The following HIF1A variants were observed in gnomAD, a reference collection of about 807,000 sequenced individuals.
HIF1A encodes hypoxia inducible factor 1 subunit alpha.
In HIF1A, 24 loss-of-function variants were observed where a neutral mutation model predicts 92.7. The ratio of observed to expected loss-of-function variants is 0.26; its 90% CI spans 0.19 to 0.36. HIF1A has a LOEUF of 0.36. HIF1A is among the 10% of genes least tolerant of loss of function. The pLI, the probability that HIF1A is intolerant of heterozygous loss-of-function variation, is 1.00. For synonymous variants in HIF1A, 319 were observed against 338.7 expected (o/e 0.94, Z 0.64); for missense variants, 799 against 998.5 (o/e 0.80, Z 2.69).
Position 61,747,201 on chromosome 14 carries a change from G to T in HIF1A, c.*116G>T. The T allele has an allele frequency of 1.3e-6, 1 of 781,308 alleles. No individual in the cohort carries two copies. The highest frequency in any genetic ancestry group is 3.0e-5 in the East Asian group (1 of 33,896). The allele number at this position is 781,308 out of a possible 1,614,324, so 48.4% of individuals were successfully genotyped here. On this transcript the variant is annotated 3_prime_UTR_variant, in exon 15 of 15. Transcript: ENST00000337138. ...CCTGGCTACAATACTGCACAAACTT[G>T]GTTAGTTCAATTTTGATCCCCTTTC...
chr14:61,717,597 A>G (rs1566565737), intron 1 of HIF1A, among the ~76,000 whole-genome samples: 1 of 152,166 alleles, frequency 6.6e-6, no homozygotes, highest in Non-Finnish European at 1.5e-5. Flanking sequence ...TGCTTTATCT[A>G]ACCTCAAATT....
intron 4 of HIF1A, among the ~76,000 whole-genome samples, chr14:61,723,702 TC>T (rs1189499917): frequency 2.6e-5 from 4 of 152,238 alleles, no homozygotes; most frequent in Admixed American, 6.5e-5. Context: ...GCTCAGTGCT[TC>T]CCTGGGGCTA....
At chr14:61,696,803 G>A (rs1019518810) in intron 1 of HIF1A, among the ~76,000 whole-genome samples, 1 of 152,134 alleles carries the variant, frequency 6.6e-6, no homozygotes, top group Admixed American at 6.5e-5. Flanking sequence ...TCCTGAAATT[G>A]AAGTATATTA....
intron 1 of HIF1A, among the ~76,000 whole-genome samples, chr14:61,706,622 A>C (rs1178031390): frequency 1.3e-5 from 2 of 152,208 alleles, no homozygotes; most frequent in East Asian, 3.8e-4. Flanking sequence ...CTTTTGCTTT[A>C]AGACCTGCTA....
intron 2 of HIF1A, among the ~76,000 whole-genome samples, chr14:61,721,247 A>C (rs1341907110): frequency 1.3e-5 from 2 of 152,024 alleles, no homozygotes; most frequent in African/African-American, 4.8e-5. Flanking sequence ...TCTCAAAAAT[A>C]ATAAAATAAA....
chr14:61,703,252 C>A (rs1392970403), intron 1 of HIF1A, among the ~76,000 whole-genome samples: 1 of 152,092 alleles, frequency 6.6e-6, no homozygotes, highest in African/African-American at 2.4e-5. Context: ...AAAGTTTGAC[C>A]TAGTTGTATT....
chr14:61,715,503 T>C (rs973885187), intron 1 of HIF1A: 4 of 152,332 alleles, frequency 2.6e-5, no homozygotes, highest in Admixed American at 2.6e-4. Context: ...CAACATAGTC[T>C]AGTGTTAATC....
At chr14:61,706,284 T>G (rs2044238601) in intron 1 of HIF1A, among the ~76,000 whole-genome samples, 1 of 152,192 alleles carries the variant, frequency 6.6e-6, no homozygotes, top group Admixed American at 6.5e-5. Context: ...CATGAAGGTA[T>G]TAAAAGCTGA....
rs564272261 is a variant in HIF1A, at chr14:61,708,605, G to A, written c.36-11777G>A. Among the ~76,000 whole-genome samples, 29 of 90,220 alleles carry A rather than the reference G, an allele frequency of 3.2e-4. No individual in the cohort carries two copies. In the East Asian group the frequency reaches 9.1e-3, roughly 28 times the overall value. 59.2% of individuals were successfully genotyped at this position (90,220 alleles called of 152,430 possible). A position where few individuals can be genotyped will look rare whatever the true frequency, so the allele number is the denominator to read the frequency against. ...TTTTTGTCAGGTTTGTCAAAGATCA[G>A]ATGGTTGTAGATAAGCGGCATTATT... On this transcript the variant is annotated intron_variant, in intron 1 of 14. Coordinates refer to ENST00000337138, the MANE Select transcript of HIF1A (RefSeq NM_001530.4).
At position 61,716,774 on chromosome 14, in the gene HIF1A, A is replaced by G. The variant is rs899459227; in HGVS notation, c.36-3608A>G. On this transcript the variant is annotated intron_variant, in intron 1 of 14. Coordinates refer to ENST00000337138, the MANE Select transcript of HIF1A (RefSeq NM_001530.4). Reference sequence around the variant, plus strand: ...TTTCTAAATATATTTCCTATACAAAATAATTTCAAGATATAATTGTTACTT... The same window carrying G: ...TTTCTAAATATATTTCCTATACAAAGTAATTTCAAGATATAATTGTTACTT... Among the ~76,000 whole-genome samples the G allele has an allele frequency of 9.9e-5, 15 of 152,200 alleles. 1 individual carries two copies. The highest frequency in any genetic ancestry group is 4.6e-4 in the Admixed American group (7 of 15,278).
rs1000351887 is a variant in HIF1A, at chr14:61,747,656, C to A, written c.*571C>A. 6.6e-6 allele frequency: 1 copy of A among 152,388 alleles called. No homozygotes were observed. The highest frequency in any genetic ancestry group is 1.9e-4 in the East Asian group (1 of 5,198). The allele number at this position is 152,388 out of a possible 1,614,324, so 9.4% of individuals were successfully genotyped here. ...TTTTTTGGCCTATGAAATTGTTAAACCTGGAACATGACATTGTTAATCATA... is the reference window on the plus strand; with the variant it reads ...TTTTTTGGCCTATGAAATTGTTAAAACTGGAACATGACATTGTTAATCATA... On this transcript the variant is annotated 3_prime_UTR_variant, in exon 15 of 15. Coordinates refer to ENST00000337138, the MANE Select transcript of HIF1A (RefSeq NM_001530.4).
intron 10 of HIF1A, among the ~76,000 whole-genome samples, chr14:61,739,457 T>TG (rs2044679561): frequency 6.6e-6 from 1 of 152,156 alleles, no homozygotes; most frequent in African/African-American, 2.4e-5. Context: ...CTTTAATAAG[T>TG]GGTAAATAAT....
chr14:61,743,044 T>C (rs1292266717), intron 12 of HIF1A, among the ~76,000 whole-genome samples: 2 of 152,158 alleles, frequency 1.3e-5, no homozygotes, highest in Non-Finnish European at 2.9e-5. Flanking sequence ...AAAGCCAAAG[T>C]GTAACAACAC....
chr14:61,717,324 G>A (rs1033597037), intron 1 of HIF1A, among the ~76,000 whole-genome samples: 2 of 152,120 alleles, frequency 1.3e-5, no homozygotes, highest in African/African-American at 4.8e-5. Flanking sequence ...TAAGCTTTAA[G>A]CTTACTTAGA....
chr14:61,700,944 A>C (rs1424736984), intron 1 of HIF1A, among the ~76,000 whole-genome samples: 3 of 152,208 alleles, frequency 2.0e-5, no homozygotes, highest in African/African-American at 7.2e-5. Context: ...TTGCCAGTGG[A>C]AGCTTTAACT....
intron 12 of HIF1A, among the ~76,000 whole-genome samples, chr14:61,744,078 G>A (rs183007314): frequency 6.6e-6 from 1 of 152,162 alleles, no homozygotes; most frequent in Non-Finnish European, 1.5e-5. Flanking sequence ...GATTGATCTT[G>A]TATTTCAATA....
At position 61,746,951 on chromosome 14, in the gene HIF1A, C is replaced by T; in HGVS notation, c.2347C>T (p.Leu783=). ...TTTTTCAGATTTAGCATGTAGACTG[C>T]TGGGGCAATCAATGGATGAAAGTGG... ...LIPSDLACRL[L]GQSMDESGLP... is the part of the protein sequence containing the mutation. The change falls in exon 15 of 15, where the codon CTG becomes TTG. Residue 783 remains leucine (L), a synonymous_variant. Transcript: ENST00000337138. 1.2e-6 allele frequency: 2 copies of T among 1,611,258 alleles called. No homozygotes were observed. The highest frequency in any genetic ancestry group is 1.7e-6 in the Non-Finnish European group (2 of 1,178,880).
intron 1 of HIF1A, chr14:61,697,729 C>T: frequency 1.5e-6 from 2 of 1,310,354 alleles, no homozygotes; most frequent in South Asian, 4.4e-5. Flanking sequence ...GGTGGTTACT[C>T]AGCACTTTTA....
In HIF1A at chr14:61,726,729, C is replaced by A; in HGVS notation, c.481C>A (p.Gln161Lys). 1 of 1,606,314 alleles carries A rather than the reference C, an allele frequency of 6.2e-7. No individual in the cohort carries two copies. Among genetic ancestry groups the A allele is most frequent in the Non-Finnish European group, 8.5e-7 (1 of 1,176,446 alleles). ...RNGLVKKGKE[Q>K]NTQRSFFLRM... Reference sequence around the variant, plus strand: ...AGGCCTTGTGAAAAAGGGTAAAGAACAAAACACACAGCGAAGCTTTTTTCT... The same window carrying A: ...AGGCCTTGTGAAAAAGGGTAAAGAAAAAAACACACAGCGAAGCTTTTTTCT... The change falls in exon 5 of 15, where the codon CAA becomes AAA. Residue 161 changes from glutamine to lysine, a missense_variant. Transcript: ENST00000337138.
Sources: allele counts gnomAD v4.1 joint callset (sites outside exome capture counted in the v4.1 genomes callset), GRCh38; gene constraint gnomAD v4.1.1; transcripts MANE v1.5; gene names NCBI Gene and HGNC (gene_info 2026-07-23, HGNC 2026-07-21).